Variants in WFDC5 observed in about 807,000 individuals in gnomAD.
WFDC5 encodes the protein WAP four-disulfide core domain protein 5.
WFDC5 carries 15 observed loss-of-function variants against 15.7 expected under a neutral mutation model. That is an observed-to-expected ratio of 0.96 (90% confidence interval 0.64 to 1.47). WFDC5 has a LOEUF of 1.47. Among genes scored for constraint, WFDC5 ranks in the 40% most tolerant of loss-of-function variants. WFDC5 has a pLI of 0.00. For synonymous variants in WFDC5, 109 were observed against 107.7 expected, an observed-to-expected ratio of 1.01 and a Z score of -0.07; for missense variants, 280 against 258.0, an observed-to-expected ratio of 1.09 and a Z score of -0.59.
At chr20:45,111,600 G>T (rs1461214933) in intron 1 of WFDC5, among the ~76,000 whole-genome samples, 1 of 152,216 alleles carries the variant, frequency 6.6e-6, no homozygotes, top group African/African-American at 2.4e-5. Context: ...TGGTTTCGAG[G>T]ATCAGGCGTT....
exon 3 of WFDC5, chr20:45,110,427 C>G: frequency 6.2e-7 from 1 of 1,610,280 alleles, no homozygotes; most frequent in Middle Eastern, 1.7e-4. Flanking sequence ...CAATCCCGCC[C>G]GCAGGCGCTG....
At chr20:45,110,704 T>C in exon 2 of WFDC5, 3 of 1,614,198 alleles carry the variant, frequency 1.9e-6, no homozygotes, top group East Asian at 2.2e-5. Flanking sequence ...GGACACTGGC[T>C]GTCTTCCACG....
upstream of WFDC5, among the ~76,000 whole-genome samples, chr20:45,116,033 G>A (rs1031297572): frequency 1.6e-4 from 25 of 152,150 alleles, no homozygotes; most frequent in Non-Finnish European, 1.5e-5. Context: ...CCAAGGACAC[G>A]CAGCTAATTC....
chr20:45,113,833 C>A, intron 1 of WFDC5, among the ~76,000 whole-genome samples: 1 of 148,864 alleles, frequency 6.7e-6, no homozygotes, highest in Admixed American at 6.8e-5. Context: ...TGCACTCATG[C>A]ACTTGCTAAT....
upstream of WFDC5, chr20:45,115,269 A>T: frequency 1.8e-6 from 1 of 568,300 alleles, no homozygotes; most frequent in Non-Finnish European, 3.1e-6. Context: ...CAATAGCTGA[A>T]GATAGGGTGG....
At chr20:45,110,859 T>G in intron 1 of WFDC5, 84 bp from the exon 2 acceptor site, 1 of 1,562,204 alleles carries the variant, frequency 6.4e-7, no homozygotes, top group South Asian at 1.1e-5. Context: ...CAAGACTGAA[T>G]TCTCCATCCC....
intron 1 of WFDC5, among the ~76,000 whole-genome samples, chr20:45,114,542 G>C (rs776766442): frequency 6.6e-5 from 10 of 151,914 alleles, no homozygotes; most frequent in Non-Finnish European, 1.5e-4. Flanking sequence ...CACAGACAGG[G>C]TCCCTCCCCA....
At chr20:45,114,879 GCA>G (rs916010178) in intron 1 of WFDC5, 118 bp downstream of exon 1, 62 of 867,556 alleles carry the variant, frequency 7.1e-5, no homozygotes, top group South Asian at 1.1e-4. Context: ...ACGCACGCAC[GCA>G]CACACACACG....
chr20:45,110,785 A>G lies in WFDC5; in HGVS notation c.86-10T>C, dbSNP rs370402459. ...CAGCCCCCCGATTTCTCTGTAAGAG[A>G]ATCTCCTAATATTGCAGCTGGAGGA... is the stretch of plus-strand genomic sequence containing the variant. On this transcript the variant is annotated splice_polypyrimidine_tract_variant and intron_variant, in intron 1 of 3. Transcript: ENST00000307971. The G allele has an allele frequency of 6.2e-6, 10 of 1,613,502 alleles. No individual in the cohort carries two copies. The Admixed American group carries it at 1.7e-4, about 27-fold the overall frequency.
At chr20:45,110,211 G>C (rs1048803220) in intron 3 of WFDC5, among the ~76,000 whole-genome samples, 189 bp downstream of exon 3, 1 of 152,200 alleles carries the variant, frequency 6.6e-6, no homozygotes, top group African/African-American at 2.4e-5. Flanking sequence ...CTCAAGAAGA[G>C]AACCAAGGAC....
chr20:45,115,481 A>G (rs977697929), upstream of WFDC5, among the ~76,000 whole-genome samples: 3 of 152,190 alleles, frequency 2.0e-5, no homozygotes, highest in African/African-American at 7.2e-5. Flanking sequence ...GGTAGAGGTC[A>G]GCTTTGAATA....
exon 1 of WFDC5, chr20:45,115,110 G>A (rs754240114): frequency 6.2e-7 from 1 of 1,606,400 alleles, no homozygotes; most frequent in Admixed American, 1.7e-5. Context: ...CAGGGCCCAG[G>A]GCCCCCCAGA....
In WFDC5 at chr20:45,114,954, T is replaced by G. The variant is rs570885276; in HGVS notation, c.85+45A>C. On this transcript the variant is annotated intron_variant, in intron 1 of 3. Transcript: ENST00000307971. Reference sequence around the variant, plus strand: ...CAAACCCTTACTCTCCCTAGAGAAGTAGAGACAATCTGGTCCCCCCAGCAG... The same window carrying G: ...CAAACCCTTACTCTCCCTAGAGAAGGAGAGACAATCTGGTCCCCCCAGCAG... 422 of 1,598,270 alleles carry G rather than the reference T, an allele frequency of 2.6e-4. 5 individuals are homozygous for G. In the South Asian group the frequency reaches 4.3e-3, roughly 16 times the overall value.
At chr20:45,112,454 T>G (rs963637162) in intron 1 of WFDC5, among the ~76,000 whole-genome samples, 1 of 152,096 alleles carries the variant, frequency 6.6e-6, no homozygotes, top group Non-Finnish European at 1.5e-5. Context: ...AAGCCTGGCG[T>G]GTGCAGAGCC....
At chr20:45,110,809 G>T (rs780247705) in intron 1 of WFDC5, 34 bp from the exon 2 acceptor site, 24 of 1,611,750 alleles carry the variant, frequency 1.5e-5, no homozygotes, top group Non-Finnish European at 2.0e-5. Flanking sequence ...GCAGCTGGAG[G>T]AAGCTCACGG....
intron 1 of WFDC5, among the ~76,000 whole-genome samples, chr20:45,114,151 G>A (rs1312067586): frequency 6.6e-6 from 1 of 152,208 alleles, no homozygotes; most frequent in Non-Finnish European, 1.5e-5. Context: ...ACAGGGTCCA[G>A]CCTTGGAGCT....
At chr20:45,114,105 G>A (rs1981691930) in intron 1 of WFDC5, among the ~76,000 whole-genome samples, 1 of 152,216 alleles carries the variant, frequency 6.6e-6, no homozygotes, top group Non-Finnish European at 1.5e-5. Context: ...CCTTGTCGAG[G>A]AGTTACGTGA....
intron 1 of WFDC5, among the ~76,000 whole-genome samples, chr20:45,113,063 T>C (rs1380041973): frequency 6.6e-6 from 1 of 152,180 alleles, no homozygotes; most frequent in East Asian, 1.9e-4. Context: ...CAGTCATATA[T>C]ACAGAATCAT....
chr20:45,109,810 A>G (rs752901355), exon 4 of WFDC5: 4 of 771,454 alleles, frequency 5.2e-6, no homozygotes, highest in South Asian at 1.5e-5. Context: ...AGCTCAGGCT[A>G]TGGACTTTGA....
Sources: allele counts gnomAD v4.1 joint callset (sites outside exome capture counted in the v4.1 genomes callset), GRCh38; gene constraint gnomAD v4.1.1; transcripts MANE v1.5; gene names NCBI Gene and HGNC (gene_info 2026-07-23, HGNC 2026-07-21).